The following CYTH3 variants were observed in gnomAD, a reference collection of about 807,000 sequenced individuals.
The protein encoded by CYTH3 is cytohesin-3.
Under a neutral mutation model 55.1 loss-of-function variants are expected in CYTH3, and 23 were observed. The observed-to-expected ratio is 0.42, with a 90% CI of 0.30 to 0.59. The LOEUF is 0.59. CYTH3 is among the 20% of genes least tolerant of loss of function. The pLI is 0.20. For synonymous variants in CYTH3, 249 were observed against 194.9 expected (o/e 1.28, Z -2.31); for missense variants, 413 against 524.8 (o/e 0.79, Z 2.08).
chr7:6,231,901 G>T (rs889415714), intron 1 of CYTH3, among the ~76,000 whole-genome samples: 5 of 152,176 alleles, frequency 3.3e-5, no homozygotes, highest in African/African-American at 1.2e-4. Flanking sequence ...AATCTTCACT[G>T]TCGGAACAGG....
At chr7:6,222,302 G>C (rs144977229) in intron 1 of CYTH3, among the ~76,000 whole-genome samples, 20 of 152,312 alleles carry the variant, frequency 1.3e-4, no homozygotes, top group African/African-American at 4.6e-4. Flanking sequence ...AGCACCTGTC[G>C]ATAATGCCTA....
chr7:6,165,049 C>T (rs200964333), intron 12 of CYTH3, 33 bp from the exon 13 acceptor site: 100 of 1,613,512 alleles, frequency 6.2e-5, no homozygotes, highest in African/African-American at 5.5e-4. Context: ...CAGGTTAGGT[C>T]GTGGGTGACA....
chr7:6,180,695 G>C (rs1255303631), intron 4 of CYTH3, among the ~76,000 whole-genome samples: 1 of 152,250 alleles, frequency 6.6e-6, no homozygotes, highest in African/African-American at 2.4e-5. Flanking sequence ...ATAAAAGAAA[G>C]TGAGTGTTCT....
rs1017941238 is a variant in CYTH3, at chr7:6,170,818, CG to C, written c.711+11del. On this transcript the variant is annotated intron_variant, in intron 8 of 12. Transcript: ENST00000350796. This position sits in a 1 kb window ranked among gnomAD's most constrained non-coding sequence, Gnocchi z 7.8. ...CCTGCAGACGGCAGCGGCCGCGGGC[CG>C]GGGAGCTCACCCTCAGCAGCTCCTC... is the stretch of plus-strand genomic sequence containing the variant. 5.6e-6 allele frequency: 9 copies of C among 1,606,718 alleles called. No homozygotes were observed. The highest frequency in any genetic ancestry group is 3.4e-5 in the Admixed American group (2 of 59,366).
chr7:6,206,583 T>C (rs930267652), intron 1 of CYTH3, among the ~76,000 whole-genome samples: 1 of 152,230 alleles, frequency 6.6e-6, no homozygotes, highest in Non-Finnish European at 1.5e-5. Context: ...GCTTGAGTTC[T>C]AGGTACGCTC....
At position 6,186,297 on chromosome 7, in the gene CYTH3, G is replaced by A. The variant is rs552724140; in HGVS notation, c.249+753C>T. 2.4e-4 allele frequency among the ~76,000 whole-genome samples: 36 copies of A among 150,308 alleles called. No homozygotes were observed. In the South Asian group the frequency reaches 7.2e-3, roughly 30 times the overall value. ...ACCGACTGAAGACCACAGGAGTGGC[G>A]TGAACCAGCTCTGCAGCGAGACCTT... is the stretch of plus-strand genomic sequence containing the variant. On this transcript the variant is annotated intron_variant, in intron 4 of 12. Transcript: ENST00000350796.
At chr7:6,252,512 T>C (rs1433805578) in intron 1 of CYTH3, among the ~76,000 whole-genome samples, 1 of 152,218 alleles carries the variant, frequency 6.6e-6, no homozygotes, top group Non-Finnish European at 1.5e-5. Context: ...TGTTGCTATT[T>C]CTTGAATACT....
chr7:6,201,865 G>A (rs1216723664), intron 1 of CYTH3, among the ~76,000 whole-genome samples: 1 of 152,022 alleles, frequency 6.6e-6, no homozygotes, highest in African/African-American at 2.4e-5. Flanking sequence ...TTGGGAAAGG[G>A]AAATTAAAAC....
At chr7:6,227,345 T>C (rs889775215) in intron 1 of CYTH3, among the ~76,000 whole-genome samples, 3 of 151,334 alleles carry the variant, frequency 2.0e-5, no homozygotes, top group African/African-American at 2.4e-5. Flanking sequence ...TAAGTGCAAA[T>C]GGTTTAAAAA....
At chr7:6,185,168 T>C (rs1783603839) in intron 4 of CYTH3, among the ~76,000 whole-genome samples, 1 of 152,232 alleles carries the variant, frequency 6.6e-6, no homozygotes, top group Non-Finnish European at 1.5e-5. Flanking sequence ...TCATTCCATC[T>C]TGGAGATGAT....
intron 1 of CYTH3, among the ~76,000 whole-genome samples, chr7:6,241,175 C>T (rs549161011): frequency 4.0e-5 from 6 of 151,758 alleles, no homozygotes; most frequent in Middle Eastern, 3.4e-3. Flanking sequence ...ATCTTCTGCA[C>T]GACAAAAACA....
chr7:6,191,275 C>T (rs1783797885), intron 1 of CYTH3, among the ~76,000 whole-genome samples: 1 of 151,814 alleles, frequency 6.6e-6, no homozygotes, highest in South Asian at 2.1e-4. Flanking sequence ...TGGTGAGATC[C>T]TTTCTCTACA....
At position 6,170,361 on chromosome 7, in the gene CYTH3, A is replaced by G; in HGVS notation, c.823+174T>C. The G allele has an allele frequency of 1.6e-6, 1 of 617,448 alleles. No individual in the cohort carries two copies. The highest frequency in any genetic ancestry group is 2.8e-6 in the Non-Finnish European group (1 of 362,942). 38.2% of individuals were successfully genotyped at this position (617,448 alleles called of 1,614,324 possible). On this transcript the variant is annotated intron_variant, in intron 9 of 12. Transcript: ENST00000350796. The surrounding 1 kb of genome is among the most constrained non-coding windows in gnomAD (Gnocchi z 7.8). ...GCATGGCTCTGAGGCCCCGGCTCGG[A>G]GAAGCAGCCGTGGCCATGCAGCTAC...
chr7:6,222,509 G>A (rs532161162), intron 1 of CYTH3, among the ~76,000 whole-genome samples: 5 of 152,230 alleles, frequency 3.3e-5, no homozygotes, highest in African/African-American at 7.2e-5. Flanking sequence ...CACTCGGGGA[G>A]GCCAAGATGG....
intron 1 of CYTH3, among the ~76,000 whole-genome samples, chr7:6,264,071 A>AC (rs1197000850): frequency 6.6e-6 from 1 of 151,950 alleles, no homozygotes; most frequent in African/African-American, 2.4e-5. Context: ...ACATGGTGAA[A>AC]CCCCATCGCT....
intron 1 of CYTH3, among the ~76,000 whole-genome samples, chr7:6,251,449 C>A (rs1280744533): frequency 6.6e-6 from 1 of 151,198 alleles, no homozygotes; most frequent in Middle Eastern, 3.4e-3. Flanking sequence ...AAAATCAAAA[C>A]GTGTGAGAAG....
At chr7:6,223,836 TAAAAAAA>T (rs58813864) in intron 1 of CYTH3, among the ~76,000 whole-genome samples, 2 of 24,282 alleles carry the variant, frequency 8.2e-5, no homozygotes, top group Admixed American at 5.1e-4. Context: ...CAATAAATAC[TAAAAAAA>T]AAAAAAAAAA....
chr7:6,201,459 C>G (rs1218513485), intron 1 of CYTH3, among the ~76,000 whole-genome samples: 1 of 152,224 alleles, frequency 6.6e-6, no homozygotes, highest in African/African-American at 2.4e-5. Flanking sequence ...ACCCAGCCTT[C>G]TTTGGATTAG....
At chr7:6,272,420 C>T in intron 1 of CYTH3, 54 bp downstream of exon 1, 1 of 765,782 alleles carries the variant, frequency 1.3e-6, no homozygotes. Flanking sequence ...GACCCCCAGC[C>T]CCCGGCCCCC....
Sources: allele counts gnomAD v4.1 joint callset (sites outside exome capture counted in the v4.1 genomes callset), GRCh38; gene constraint gnomAD v4.1.1; non-coding constraint Gnocchi (gnomAD v3.1); transcripts MANE v1.5; gene names NCBI Gene and HGNC (gene_info 2026-07-23, HGNC 2026-07-21).